The following TUSC3 variants were observed in gnomAD, a reference collection of about 807,000 sequenced individuals.
TUSC3 encodes dolichyl-diphosphooligosaccharide--protein glycosyltransferase subunit TUSC3.
In TUSC3, 45 loss-of-function variants were observed where a neutral mutation model predicts 44.8. The observed-to-expected ratio is 1.00, with a 90% confidence interval of 0.79 to 1.29. The LOEUF (loss-of-function observed/expected upper bound fraction) is 1.29. TUSC3 is among the 50% of genes most tolerant of loss of function. The pLI is 0.00. For missense variants in TUSC3, 519 were observed against 437.9 expected (o/e 1.19, Z -1.65); for synonymous variants, 212 against 152.9 (o/e 1.39, Z -2.85).
the TUSC3 span, among the ~76,000 whole-genome samples, chr8:15,820,726 T>A: frequency 6.6e-6 from 1 of 152,178 alleles, no homozygotes; most frequent in Admixed American, 6.5e-5. Context: ...TTCTGAAAAA[T>A]TTTCTGTGAG....
At chr8:15,827,406 A>G in the TUSC3 span, among the ~76,000 whole-genome samples, 5 of 152,206 alleles carry the variant, frequency 3.3e-5, no homozygotes, top group Non-Finnish European at 5.9e-5. Flanking sequence ...TGTTTTCTGT[A>G]TAAGTAATCT....
At chr8:15,617,179 G>T (rs1285575391) in intron 1 of TUSC3, among the ~76,000 whole-genome samples, 2 of 98,382 alleles carry the variant, frequency 2.0e-5, no homozygotes, top group Non-Finnish European at 2.0e-5. Flanking sequence ...TTGCTCTGTC[G>T]CCCAGGTTGC....
chr8:15,617,051 G>A (rs1232275792), intron 1 of TUSC3, among the ~76,000 whole-genome samples: 2 of 151,834 alleles, frequency 1.3e-5, no homozygotes, highest in African/African-American at 4.8e-5. Flanking sequence ...CAGACAGAGG[G>A]AGGAAATAGA....
chr8:15,565,884 T>G (rs1390367278), intron 1 of TUSC3, among the ~76,000 whole-genome samples: 1 of 152,136 alleles, frequency 6.6e-6, no homozygotes. Flanking sequence ...CTCTGTACTA[T>G]TATATGGATG....
rs780300330 is a variant in TUSC3 at position 15,673,818 on chromosome 8, C to G, written c.780C>G (p.Asn260Lys). ...GTGGACCTCCATATGCTCATAAGAA[C>G]CCACACAATGGACAAGTGGTAAGTG... ...HIRGPPYAHK[N>K]PHNGQVSYIH... Residue 260 changes from asparagine to lysine, a missense_variant, in exon 6 of 11, where the codon AAC becomes AAG. Coordinates refer to ENST00000503731, the MANE Select transcript of TUSC3 (RefSeq NM_006765.4). The G allele has an allele frequency of 6.2e-7, 1 of 1,612,336 alleles. No individual in the cohort carries two copies. Among genetic ancestry groups the G allele is most frequent in the East Asian group, 2.2e-5 (1 of 44,838 alleles).
chr8:15,471,164 C>G (rs1800488502), intron 1 of TUSC3, among the ~76,000 whole-genome samples: 3 of 152,144 alleles, frequency 2.0e-5, no homozygotes, highest in Admixed American at 6.5e-5. Flanking sequence ...AACCTCTGCT[C>G]ATTGATTCAC....
intron 2 of TUSC3, among the ~76,000 whole-genome samples, chr8:15,488,560 C>G (rs543447698): frequency 1.5e-3 from 234 of 152,168 alleles, no homozygotes; most frequent in South Asian, 4.6e-3. Context: ...GTGTCCCCAC[C>G]AAATTTATAA....
At chr8:15,729,067 A>G (rs1044786630) in intron 6 of TUSC3, among the ~76,000 whole-genome samples, 81 of 152,192 alleles carry the variant, frequency 5.3e-4, no homozygotes, top group African/African-American at 1.9e-3. Context: ...AATAAACAGA[A>G]GAGATTATAA....
At chr8:15,781,647 T>C in the TUSC3 span, among the ~76,000 whole-genome samples, 1 of 151,970 alleles carries the variant, frequency 6.6e-6, no homozygotes. Context: ...GAGATTGAAA[T>C]AGTAATAAAA....
intron 6 of TUSC3, among the ~76,000 whole-genome samples, chr8:15,685,961 A>G (rs1808612175): frequency 6.6e-6 from 1 of 151,940 alleles, no homozygotes; most frequent in South Asian, 2.1e-4. Context: ...GATATTGACA[A>G]AGTGTTTCTT....
chr8:15,537,178 A>G (rs1177266324), upstream of TUSC3, among the ~76,000 whole-genome samples: 2 of 151,996 alleles, frequency 1.3e-5, no homozygotes, highest in Non-Finnish European at 2.9e-5. Context: ...ATTGCTCTGC[A>G]CAATAAAACT....
At chr8:15,849,590 A>C in the TUSC3 span, among the ~76,000 whole-genome samples, 1 of 152,118 alleles carries the variant, frequency 6.6e-6, no homozygotes, top group African/African-American at 2.4e-5. Flanking sequence ...ACAAAGTGTG[A>C]TTTCAACTGG....
intron 1 of TUSC3, among the ~76,000 whole-genome samples, chr8:15,597,714 A>G (rs1416131716): frequency 6.6e-6 from 1 of 152,080 alleles, no homozygotes; most frequent in Non-Finnish European, 1.5e-5. Flanking sequence ...TTCTTTGAAA[A>G]TGACCAGATA....
chr8:15,832,808 A>T, the TUSC3 span, among the ~76,000 whole-genome samples: 2 of 152,136 alleles, frequency 1.3e-5, no homozygotes, highest in Non-Finnish European at 2.9e-5. Flanking sequence ...CTTTAAAGAG[A>T]CTTTTACTCC....
At chr8:15,695,451 A>G (rs112591510) in intron 6 of TUSC3, among the ~76,000 whole-genome samples, 2 of 152,216 alleles carry the variant, frequency 1.3e-5, no homozygotes, top group African/African-American at 4.8e-5. Flanking sequence ...CTGTAAGTCC[A>G]TTAAACCTCT....
chr8:15,446,215 C>G (rs111743912), intron 1 of TUSC3, among the ~76,000 whole-genome samples: 7 of 151,012 alleles, frequency 4.6e-5, no homozygotes, highest in Non-Finnish European at 4.4e-5. Context: ...GTTGGGTGGC[C>G]GGGCAGAGAG....
chr8:15,460,146 T>C (rs908613294), intron 1 of TUSC3, among the ~76,000 whole-genome samples: 2 of 152,168 alleles, frequency 1.3e-5, no homozygotes, highest in African/African-American at 4.8e-5. Context: ...TAGTTTACAT[T>C]CCCAACAGGA....
At chr8:15,679,128 G>A (rs1322218531) in intron 6 of TUSC3, among the ~76,000 whole-genome samples, 2 of 152,106 alleles carry the variant, frequency 1.3e-5, no homozygotes, top group Non-Finnish European at 1.5e-5. Flanking sequence ...ACCCAGTAAC[G>A]AGATTGCTAG....
chr8:15,713,916 T>C (rs1809959871), intron 6 of TUSC3, among the ~76,000 whole-genome samples: 1 of 152,196 alleles, frequency 6.6e-6, no homozygotes, highest in Admixed American at 6.6e-5. Context: ...ATGAAAATAA[T>C]TGGTCACTTA....
Sources: gnomAD v4.1 joint callset for allele counts (sites outside exome capture counted in the v4.1 genomes callset) on GRCh38, gnomAD v4.1.1 for gene constraint, MANE v1.5 for transcripts, NCBI Gene and HGNC (gene_info 2026-07-23, HGNC 2026-07-21) for gene names.